Variants in ARHGAP29 observed in about 807,000 individuals in gnomAD.
ARHGAP29 encodes the protein rho GTPase-activating protein 29.
ARHGAP29 carries 43 observed loss-of-function variants against 122.6 expected under a neutral mutation model. That is an observed-to-expected ratio of 0.35 (90% CI 0.27 to 0.45). ARHGAP29 has a LOEUF of 0.45. ARHGAP29 is among the 20% of genes least tolerant of loss of function. The probability of loss-of-function intolerance (pLI) is 1.00; values close to 1 mark genes in which losing one functional copy is unlikely to be tolerated. For missense variants in ARHGAP29, 1,303 were observed against 1,477.2 expected, an observed-to-expected ratio of 0.88 and a Z score of 1.93; for synonymous variants, 506 against 497.1, an observed-to-expected ratio of 1.02 and a Z score of -0.24.
At chr1:94,303,883 G>A in the ARHGAP29 span, among the ~76,000 whole-genome samples, 14 of 152,132 alleles carry the variant, frequency 9.2e-5, no homozygotes, top group African/African-American at 3.4e-4. Context: ...CACTCTTCTT[G>A]CCAGCTACCG....
chr1:94,240,872 C>T (rs1450304508), upstream of ARHGAP29, among the ~76,000 whole-genome samples: 1 of 152,154 alleles, frequency 6.6e-6, no homozygotes, highest in East Asian at 1.9e-4. Context: ...GGTGACATTA[C>T]CAGTACTGTT....
At chr1:94,235,485 T>C (rs1250025948) in intron 1 of ARHGAP29, among the ~76,000 whole-genome samples, 1 of 152,202 alleles carries the variant, frequency 6.6e-6, no homozygotes, top group African/African-American at 2.4e-5. Flanking sequence ...CTAGCAGTGC[T>C]TTATTGTGGG....
intron 22 of ARHGAP29, among the ~76,000 whole-genome samples, chr1:94,175,644 T>C (rs1649047932): frequency 1.3e-5 from 2 of 152,182 alleles, no homozygotes; most frequent in South Asian, 4.1e-4. Flanking sequence ...CATCTGAACT[T>C]CTTCCACACC....
chr1:94,305,320 T>G, the ARHGAP29 span, among the ~76,000 whole-genome samples: 1 of 152,202 alleles, frequency 6.6e-6, no homozygotes, highest in Non-Finnish European at 1.5e-5. Flanking sequence ...GTCATGGGGT[T>G]TGTTCTGACT....
rs967954343 is a variant in ARHGAP29, at chr1:94,220,267, T to C, written c.331A>G (p.Lys111Glu). 6.2e-7 allele frequency: 1 copy of C among 1,613,288 alleles called. No homozygotes were observed. The highest frequency in any genetic ancestry group is 8.5e-7 in the Non-Finnish European group (1 of 1,179,632). The stretch of plus-strand genomic sequence containing the variant: ...ACTATATCTTCCTTACCTTTCACTT[T>C]TGCAGTGAGCATTTCTGCAGCATTT... ...LQNAAEMLTAKVKAVNFTEVN... is the reference protein window; with the variant it reads ...LQNAAEMLTAEVKAVNFTEVN... The change falls in exon 3 of 23, where the codon AAA (lysine) becomes GAA (glutamate). Residue 111 changes from lysine to glutamate, a missense_variant. Around this residue, in one of 3 missense-constraint regions of ARHGAP29, gnomAD observed 592 missense variants for 648.2 expected, o/e 0.91. Transcript: ENST00000260526.
At chr1:94,236,683 A>AT (rs962674969) in intron 1 of ARHGAP29, among the ~76,000 whole-genome samples, 19 of 150,674 alleles carry the variant, frequency 1.3e-4, no homozygotes, top group African/African-American at 1.2e-4. Context: ...CCCCCAAAAA[A>AT]TTTTTTTTTT....
In ARHGAP29 at chr1:94,169,851, C is replaced by T. The variant is rs769619570; in HGVS notation, c.*4018G>A. 2.0e-5 allele frequency among the ~76,000 whole-genome samples: 3 copies of T among 152,150 alleles called. No homozygotes were observed. Among genetic ancestry groups the T allele is most frequent in the Non-Finnish European group, 2.9e-5 (2 of 68,036 alleles). On this transcript the variant is annotated 3_prime_UTR_variant, in exon 23 of 23. Coordinates refer to ENST00000260526, the MANE Select transcript of ARHGAP29 (RefSeq NM_004815.4). Reference sequence around the variant, plus strand: ...CATCTCTAAGGAACACAGAAGCCAGCTTGAAGAGACTCCCAAAAACCAAAT... The same window carrying T: ...CATCTCTAAGGAACACAGAAGCCAGTTTGAAGAGACTCCCAAAAACCAAAT...
the ARHGAP29 span, among the ~76,000 whole-genome samples, chr1:94,312,359 T>G: frequency 2.0e-5 from 3 of 147,450 alleles, no homozygotes; most frequent in Admixed American, 6.7e-5. Flanking sequence ...TTATTTGTTT[T>G]TTTTTTTTTT....
chr1:94,209,529 A>T (rs1395988921), intron 3 of ARHGAP29, among the ~76,000 whole-genome samples, 179 bp from the exon 4 acceptor site: 1 of 152,246 alleles, frequency 6.6e-6, no homozygotes, highest in Non-Finnish European at 1.5e-5. Context: ...AAATTCATAT[A>T]AAAGAATCAG....
the ARHGAP29 span, among the ~76,000 whole-genome samples, chr1:94,288,182 C>A: frequency 6.6e-6 from 1 of 152,128 alleles, no homozygotes; most frequent in Non-Finnish European, 1.5e-5. Flanking sequence ...TTTTAATGAT[C>A]GCATTTCTAA....
chr1:94,253,330 C>G (rs1455240398), intron 1 of ARHGAP29, among the ~76,000 whole-genome samples: 1 of 152,138 alleles, frequency 6.6e-6, no homozygotes, highest in African/African-American at 2.4e-5. Flanking sequence ...CAGTTAGTCA[C>G]TGGCCTGACT....
At chr1:94,264,130 T>A (rs996506873) in intron 1 of ARHGAP29, among the ~76,000 whole-genome samples, 2 of 152,216 alleles carry the variant, frequency 1.3e-5, no homozygotes, top group African/African-American at 4.8e-5. Flanking sequence ...AACAAACTTA[T>A]TCACAATCTT....
the ARHGAP29 span, among the ~76,000 whole-genome samples, chr1:94,293,777 A>T: frequency 6.6e-6 from 1 of 152,210 alleles, no homozygotes; most frequent in Non-Finnish European, 1.5e-5. Context: ...GCCACCCTCC[A>T]GGAATTTCCG....
intron 19 of ARHGAP29, among the ~76,000 whole-genome samples, chr1:94,183,271 T>C (rs368388793): frequency 6.6e-6 from 1 of 152,306 alleles, no homozygotes; most frequent in South Asian, 2.1e-4. Flanking sequence ...TTGAGGACTA[T>C]CATCACTATT....
At chr1:94,290,147 T>G in the ARHGAP29 span, among the ~76,000 whole-genome samples, 1 of 152,198 alleles carries the variant, frequency 6.6e-6, no homozygotes, top group African/African-American at 2.4e-5. Context: ...GGTAGGCTAT[T>G]AATTATTTCC....
intron 11 of ARHGAP29, 66 bp downstream of exon 11, chr1:94,202,478 T>C (rs1000925055): frequency 1.9e-6 from 3 of 1,584,416 alleles, no homozygotes; most frequent in Non-Finnish European, 2.6e-6. Flanking sequence ...CGCAGAACTT[T>C]GACACCAAAC....
chr1:94,196,432 T>A (rs1269561492), intron 12 of ARHGAP29, among the ~76,000 whole-genome samples: 1 of 151,144 alleles, frequency 6.6e-6, no homozygotes, highest in Non-Finnish European at 1.5e-5. Context: ...CGGCTAATTT[T>A]TTGTATTTTT....
chr1:94,271,276 A>G (rs1430189743), intron 1 of ARHGAP29, among the ~76,000 whole-genome samples: 2 of 144,618 alleles, frequency 1.4e-5, no homozygotes, highest in Non-Finnish European at 2.9e-5. Context: ...AGAATAAAAG[A>G]GGATAAGCAA....
At position 94,201,708 on chromosome 1, in the gene ARHGAP29, G is replaced by A; in HGVS notation, c.1281+12C>T. The A allele has an allele frequency of 1.2e-6, 2 of 1,613,066 alleles. No individual in the cohort carries two copies. Among genetic ancestry groups the A allele is most frequent in the Non-Finnish European group, 1.7e-6 (2 of 1,179,684 alleles). On this transcript the variant is annotated intron_variant, in intron 12 of 22. Coordinates refer to ENST00000260526, the MANE Select transcript of ARHGAP29 (RefSeq NM_004815.4). ...TTCTTCTTGCCTTCAAAATACTGAA[G>A]AAATTACTTACAGCTTTAAGGGTAA...
Sources: gnomAD v4.1 joint callset for allele counts (sites outside exome capture counted in the v4.1 genomes callset) on GRCh38, gnomAD v4.1.1 for gene constraint, gnomAD v4.1.1 regional missense constraint, MANE v1.5 for transcripts, NCBI Gene and HGNC (gene_info 2026-07-23, HGNC 2026-07-21) for gene names.